Variants in DHX35 observed in about 807,000 individuals in gnomAD.
DHX35 encodes probable ATP-dependent RNA helicase DHX35.
In DHX35, 84 loss-of-function variants were observed where a neutral mutation model predicts 99.6. The ratio of observed to expected loss-of-function variants is 0.84; its 90% CI spans 0.71 to 1.01. The LOEUF (loss-of-function observed/expected upper bound fraction) is 1.01. Ranked by LOEUF, DHX35 falls within the 50% of genes least tolerant of loss-of-function variation. DHX35 has a pLI of 0.00. For synonymous variants in DHX35, 331 were observed against 316.2 expected, an observed-to-expected ratio of 1.05 and a Z score of -0.50; for missense variants, 852 against 888.5, an observed-to-expected ratio of 0.96 and a Z score of 0.52.
chr20:38,981,448 C>T (rs1472973221), intron 3 of DHX35, among the ~76,000 whole-genome samples: 1 of 152,132 alleles, frequency 6.6e-6, no homozygotes, highest in African/African-American at 2.4e-5. Flanking sequence ...AAGCCCAATA[C>T]TGTCATTATT....
chr20:39,012,374 T>C (rs1239402350), intron 13 of DHX35, among the ~76,000 whole-genome samples: 1 of 151,600 alleles, frequency 6.6e-6, no homozygotes, highest in Non-Finnish European at 1.5e-5. Flanking sequence ...ATATGAAGAG[T>C]TTTTATATGC....
chr20:39,038,567 A>G lies in DHX35; in HGVS notation c.*24A>G, dbSNP rs1428051602. 4 of 1,608,214 alleles carry G rather than the reference A, an allele frequency of 2.5e-6. No individual in the cohort carries two copies. The highest frequency in any genetic ancestry group is 1.1e-5 in the South Asian group (1 of 90,744). On this transcript the variant is annotated 3_prime_UTR_variant, in exon 22 of 22. Transcript: ENST00000252011. ...GAGAGGAGCCCACAGCTACAGCTGC[A>G]GGGACTGCTGGCGTCCTCTCCTCCA...
At chr20:38,999,609 T>C (rs1241959231) in intron 8 of DHX35, among the ~76,000 whole-genome samples, 1 of 152,240 alleles carries the variant, frequency 6.6e-6, no homozygotes, top group Non-Finnish European at 1.5e-5. Context: ...ACTCTAGCCT[T>C]CTTTCCAATG....
chr20:38,987,243 C>CT (rs1408355320), intron 4 of DHX35, among the ~76,000 whole-genome samples: 1 of 151,996 alleles, frequency 6.6e-6, no homozygotes, highest in African/African-American at 2.4e-5. Context: ...ACTTTCTTTT[C>CT]TTTCTTTTTT....
intron 3 of DHX35, among the ~76,000 whole-genome samples, chr20:38,979,459 AAGG>A (rs2086137670): frequency 6.6e-6 from 1 of 152,248 alleles, no homozygotes; most frequent in Non-Finnish European, 1.5e-5. Flanking sequence ...AAAAAGAACA[AAGG>A]AATAAATGGT....
intron 8 of DHX35, among the ~76,000 whole-genome samples, chr20:38,999,418 C>T (rs1304528175): frequency 1.3e-5 from 2 of 152,116 alleles, no homozygotes; most frequent in African/African-American, 4.8e-5. Flanking sequence ...TTGTGGCAGT[C>T]TTGACTGTGT....
At chr20:38,982,759 T>G (rs527691967) in intron 3 of DHX35, among the ~76,000 whole-genome samples, 1 of 152,190 alleles carries the variant, frequency 6.6e-6, no homozygotes, top group Admixed American at 6.5e-5. Flanking sequence ...TTTTAAAATC[T>G]TTTTTCTATT....
At chr20:38,990,033 T>G (rs1257111433) in intron 5 of DHX35, among the ~76,000 whole-genome samples, 3 of 152,346 alleles carry the variant, frequency 2.0e-5, no homozygotes, top group African/African-American at 7.2e-5. Flanking sequence ...TTTTCCAGAT[T>G]GCCATATTTT....
At chr20:38,997,976 T>C (rs2086457461) in intron 8 of DHX35, among the ~76,000 whole-genome samples, 1 of 152,216 alleles carries the variant, frequency 6.6e-6, no homozygotes. Flanking sequence ...ATAGGCCACC[T>C]GCCGTGGTTT....
chr20:38,969,537 A>G (rs764103058), intron 2 of DHX35, among the ~76,000 whole-genome samples: 1 of 152,262 alleles, frequency 6.6e-6, no homozygotes, highest in Non-Finnish European at 1.5e-5. Flanking sequence ...TAATTTCTAT[A>G]TAACAGATTA....
intron 12 of DHX35, among the ~76,000 whole-genome samples, chr20:39,007,797 A>G (rs1420990922): frequency 2.0e-5 from 3 of 152,220 alleles, no homozygotes; most frequent in Non-Finnish European, 2.9e-5. Context: ...TGAAGATGCT[A>G]AGAAGGAATG....
At chr20:39,026,533 A>T (rs775234940) in intron 18 of DHX35, among the ~76,000 whole-genome samples, 1 of 152,202 alleles carries the variant, frequency 6.6e-6, no homozygotes, top group Non-Finnish European at 1.5e-5. Flanking sequence ...ATCATAGAAG[A>T]CGTGCTGGCA....
At chr20:38,990,332 T>C (rs945290763) in intron 5 of DHX35, among the ~76,000 whole-genome samples, 5 of 152,210 alleles carry the variant, frequency 3.3e-5, no homozygotes, top group African/African-American at 1.2e-4. Context: ...ACACCTAAGA[T>C]ACAGCATGCA....
intron 3 of DHX35, among the ~76,000 whole-genome samples, chr20:38,982,013 C>CT (rs1007158747): frequency 6.6e-6 from 1 of 150,698 alleles, no homozygotes; most frequent in African/African-American, 2.4e-5. Flanking sequence ...GATGTCATTG[C>CT]TGAGTCTCAG....
intron 8 of DHX35, among the ~76,000 whole-genome samples, chr20:38,996,117 T>G (rs2086424892): frequency 6.6e-6 from 1 of 152,194 alleles, no homozygotes; most frequent in South Asian, 2.1e-4. Context: ...TCTCCTAATT[T>G]CATTCCAGTT....
Position 39,025,644 on chromosome 20 carries a change from C to T in DHX35, c.1801+285C>T, listed in dbSNP as rs1345828493. Among the ~76,000 whole-genome samples, 11 of 152,184 alleles carry T rather than the reference C, an allele frequency of 7.2e-5. No homozygotes were observed. In the East Asian group the frequency reaches 2.1e-3, roughly 29 times the overall value. On this transcript the variant is annotated intron_variant, in intron 18 of 21. Transcript: ENST00000252011. ...ACAGTCACATCAGTGCACATCATGT[C>T]ATTGATTTTCCCATGTAGGCTTTGC...
At chr20:39,019,261 A>G (rs1351951882) in intron 15 of DHX35, among the ~76,000 whole-genome samples, 2 of 152,232 alleles carry the variant, frequency 1.3e-5, no homozygotes, top group African/African-American at 4.8e-5. Context: ...AAGTGCAATC[A>G]CACAGTATTT....
In DHX35 at chr20:39,038,729, C is replaced by T. The variant is rs2087197183; in HGVS notation, c.*186C>T. On this transcript the variant is annotated 3_prime_UTR_variant, in exon 22 of 22. Transcript: ENST00000252011. ...ACAGCATTTGCATCCTTGCTGGGATCCTGGAGGACTTTGTGCATGGGCAGG... is the reference window on the plus strand; with the variant it reads ...ACAGCATTTGCATCCTTGCTGGGATTCTGGAGGACTTTGTGCATGGGCAGG... 1 of 629,120 alleles carries T rather than the reference C, an allele frequency of 1.6e-6. No homozygotes were observed. Among genetic ancestry groups the T allele is most frequent in the African/African-American group, 1.8e-5 (1 of 54,376 alleles). 39.0% of individuals were successfully genotyped at this position (629,120 alleles called of 1,614,324 possible). A position where few individuals can be genotyped will look rare whatever the true frequency, so the allele number is the denominator to read the frequency against.
intron 13 of DHX35, 89 bp from the exon 14 acceptor site, chr20:39,014,791 G>C (rs2086756178): frequency 5.4e-6 from 8 of 1,490,664 alleles, no homozygotes; most frequent in South Asian, 1.1e-5. Flanking sequence ...CATGTTAGAG[G>C]GGAGAATGGA....
Sources: gnomAD v4.1 joint callset for allele counts (sites outside exome capture counted in the v4.1 genomes callset) on GRCh38, gnomAD v4.1.1 for gene constraint, MANE v1.5 for transcripts, NCBI Gene and HGNC (gene_info 2026-07-23, HGNC 2026-07-21) for gene names.